SLC7A13: variants seen among roughly 807,000 people sequenced by gnomAD.
SLC7A13 encodes the protein X-amino acid transporter 2.
In SLC7A13, 31 loss-of-function variants were observed where a neutral mutation model predicts 32.0. The observed-to-expected ratio is 0.97, with a 90% CI of 0.73 to 1.31. The LOEUF is 1.31. SLC7A13 is among the 50% of genes most tolerant of loss of function. The probability of loss-of-function intolerance (pLI) is 0.00; values close to 1 mark genes in which losing one functional copy is unlikely to be tolerated. For missense variants in SLC7A13, 633 were observed against 546.9 expected (o/e 1.16, Z -1.57); for synonymous variants, 232 against 206.9 (o/e 1.12, Z -1.04).
At chr8:86,219,326 G>T (rs1253359606) in intron 2 of SLC7A13, among the ~76,000 whole-genome samples, 1 of 152,152 alleles carries the variant, frequency 6.6e-6, no homozygotes, top group East Asian at 1.9e-4. Context: ...ATCAGGTGCA[G>T]CTCCGTCAGT....
chr8:86,218,442 T>C (rs1820231700), intron 2 of SLC7A13, among the ~76,000 whole-genome samples: 2 of 152,166 alleles, frequency 1.3e-5, no homozygotes, highest in South Asian at 4.1e-4. Flanking sequence ...GAGTTAAATT[T>C]ACTCCTCAGG....
chr8:86,226,134 T>C (rs142541825), intron 1 of SLC7A13, among the ~76,000 whole-genome samples: 4 of 152,312 alleles, frequency 2.6e-5, no homozygotes, highest in African/African-American at 9.6e-5. Flanking sequence ...TCAGTAAGAA[T>C]AAATTCTGTA....
At chr8:86,223,743 C>A (rs1820343161) in intron 1 of SLC7A13, among the ~76,000 whole-genome samples, 1 of 150,894 alleles carries the variant, frequency 6.6e-6, no homozygotes, top group African/African-American at 2.5e-5. Flanking sequence ...AACAATTGGG[C>A]TAGGCTCTTC....
In SLC7A13 at chr8:86,217,497, C is replaced by T; in HGVS notation, c.1152G>A (p.Gln384=). ...TATAAGGTATAGATAGATTGGGTTC[C>T]TGGTATCTCCGCCTTAGTATTCCTA... ...LMIGILRRRY[Q]EPNLSIPYKV... is the part of the protein sequence containing the mutation. Residue 384 remains glutamine (Q), a synonymous_variant, in exon 3 of 4, where the codon CAG becomes CAA. Coordinates refer to ENST00000297524, the MANE Select transcript of SLC7A13 (RefSeq NM_138817.3). 11 of 1,589,816 alleles carry T rather than the reference C, an allele frequency of 6.9e-6. No homozygotes were observed. Among genetic ancestry groups the T allele is most frequent in the Non-Finnish European group, 8.5e-6 (10 of 1,171,860 alleles).
chr8:86,229,567 G>A, intron 1 of SLC7A13, 26 bp downstream of exon 1: 1 of 1,442,938 alleles, frequency 6.9e-7, no homozygotes, highest in Non-Finnish European at 9.4e-7. Context: ...CATGATTTTA[G>A]ATTTTTTTCC....
chr8:86,223,793 GCACACACA>G (rs59737111), intron 1 of SLC7A13, among the ~76,000 whole-genome samples: 3 of 147,120 alleles, frequency 2.0e-5, no homozygotes, highest in African/African-American at 5.0e-5. Context: ...ACACTAAAAT[GCACACACA>G]CACACACACA....
rs778497869 is a variant in SLC7A13, at chr8:86,214,397, T to A, written c.*16A>T. On this transcript the variant is annotated 3_prime_UTR_variant, in exon 4 of 4. Coordinates refer to ENST00000297524, the MANE Select transcript of SLC7A13 (RefSeq NM_138817.3). Reference sequence around the variant, plus strand: ...TTTTAGAAGGCCAATTTTTTAAGAGTTTGCACTTCCGACATCTATTCCTCA... The same window carrying A: ...TTTTAGAAGGCCAATTTTTTAAGAGATTGCACTTCCGACATCTATTCCTCA... 1.3e-6 allele frequency: 2 copies of A among 1,522,696 alleles called. No homozygotes were observed. Among genetic ancestry groups the A allele is most frequent in the South Asian group, 1.2e-5 (1 of 85,252 alleles). The allele number at this position is 1,522,696 out of a possible 1,614,324, so 94.3% of individuals were successfully genotyped here. A position where few individuals can be genotyped will look rare whatever the true frequency, so the allele number is the denominator to read the frequency against.
rs552850749 is a variant in SLC7A13, at chr8:86,220,997, A to G, written c.817+1975T>C. On this transcript the variant is annotated intron_variant, in intron 2 of 3. Transcript: ENST00000297524. The stretch of plus-strand genomic sequence containing the variant: ...AACAGAGCAAGACTCTGTTTCAAAA[A>G]AAAAAAAAAAAACTATTTCTTTTGC... Among the ~76,000 whole-genome samples, 951 of 151,954 alleles carry G rather than the reference A, an allele frequency of 6.3e-3. 6 individuals are homozygous for G. The highest frequency in any genetic ancestry group is 0.021 in the African/African-American group (868 of 41,442).
intron 1 of SLC7A13, among the ~76,000 whole-genome samples, chr8:86,225,979 G>T (rs74819538): frequency 6.6e-6 from 1 of 151,998 alleles, no homozygotes; most frequent in Non-Finnish European, 1.5e-5. Flanking sequence ...CTGTCTACAA[G>T]TCACTATTTT....
rs1266298357 is a variant in SLC7A13 at position 86,214,653 on chromosome 8, A to G, written c.1180-7T>C. The G allele has an allele frequency of 6.3e-7, 1 of 1,593,368 alleles. No homozygotes were observed. The highest frequency in any genetic ancestry group is 1.8e-5 in the Admixed American group (1 of 56,066). On this transcript the variant is annotated splice_region_variant and splice_polypyrimidine_tract_variant and intron_variant, in intron 3 of 3. Coordinates refer to ENST00000297524, the MANE Select transcript of SLC7A13 (RefSeq NM_138817.3). ...ATGGAAATGACAAAAACACCTGAAAAGAGCAAAGTTTGAAAAAATATTGGA... is the reference window on the plus strand; with the variant it reads ...ATGGAAATGACAAAAACACCTGAAAGGAGCAAAGTTTGAAAAAATATTGGA...
In SLC7A13 at chr8:86,230,243, A is replaced by T; in HGVS notation, c.35T>A (p.Val12Glu). The T allele has an allele frequency of 6.2e-7, 1 of 1,609,292 alleles. No homozygotes were observed. Among genetic ancestry groups the T allele is most frequent in the Non-Finnish European group, 8.5e-7 (1 of 1,177,780 alleles). Reference sequence around the variant, plus strand: ...ACTTGTGCCCCACCAATATCCAAACACTCTCTTGAGCTGTATTTTCTCCCC... The same window carrying T: ...ACTTGTGCCCCACCAATATCCAAACTCTCTCTTGAGCTGTATTTTCTCCCC... ...DRGEKIQLKR[V>E]FGYWWGTSFL... Residue 12 changes from valine to glutamate, a missense_variant, in exon 1 of 4, where the codon GTG becomes GAG. Transcript: ENST00000297524.
At chr8:86,228,940 C>G (rs1820437717) in intron 1 of SLC7A13, among the ~76,000 whole-genome samples, 1 of 152,048 alleles carries the variant, frequency 6.6e-6, no homozygotes, top group South Asian at 2.1e-4. Context: ...TTCAGCCTCT[C>G]AAAGCATTGG....
intron 1 of SLC7A13, among the ~76,000 whole-genome samples, chr8:86,224,468 A>C (rs1057203468): frequency 6.6e-6 from 1 of 152,216 alleles, no homozygotes; most frequent in African/African-American, 2.4e-5. Context: ...ATCATAAATT[A>C]TCTCTTCCTG....
intron 2 of SLC7A13, among the ~76,000 whole-genome samples, chr8:86,219,070 T>G (rs1041452378): frequency 6.6e-6 from 1 of 152,188 alleles, no homozygotes; most frequent in Non-Finnish European, 1.5e-5. Context: ...TCAACTGCCA[T>G]TTTACTTTTT....
At chr8:86,220,204 A>G (rs1404439986) in intron 2 of SLC7A13, among the ~76,000 whole-genome samples, 4 of 152,016 alleles carry the variant, frequency 2.6e-5, no homozygotes, top group African/African-American at 4.8e-5. Context: ...TCCTATGCCA[A>G]TTTTCTCTAG....
chr8:86,228,909 A>G (rs1275616077), intron 1 of SLC7A13, among the ~76,000 whole-genome samples: 1 of 151,886 alleles, frequency 6.6e-6, no homozygotes, highest in Non-Finnish European at 1.5e-5. Flanking sequence ...TCAAACTCCT[A>G]GCCTCAAGTA....
intron 1 of SLC7A13, among the ~76,000 whole-genome samples, chr8:86,225,302 A>C (rs1820370371): frequency 6.6e-6 from 1 of 152,198 alleles, no homozygotes; most frequent in Non-Finnish European, 1.5e-5. Flanking sequence ...AGAAGGTTTT[A>C]ATTTTAACCC....
chr8:86,215,467 C>A, intron 3 of SLC7A13: 1 of 230,794 alleles, frequency 4.3e-6, no homozygotes, highest in Non-Finnish European at 8.8e-6. Context: ...GTGGATGGAT[C>A]ACGAGATCAG....
chr8:86,228,052 T>C (rs1036026068), intron 1 of SLC7A13, among the ~76,000 whole-genome samples: 10 of 152,118 alleles, frequency 6.6e-5, no homozygotes, highest in African/African-American at 2.2e-4. Context: ...AATAAATCCA[T>C]GTAACAAACC....
Sources: allele counts gnomAD v4.1 joint callset (sites outside exome capture counted in the v4.1 genomes callset), GRCh38; gene constraint gnomAD v4.1.1; transcripts MANE v1.5; gene names NCBI Gene and HGNC (gene_info 2026-07-23, HGNC 2026-07-21).